SYN3: variants seen among roughly 807,000 people sequenced by gnomAD.
SYN3 encodes the protein synapsin III.
In SYN3, 35 loss-of-function variants were observed where a neutral mutation model predicts 65.8. The observed-to-expected ratio is 0.53, with a 90% confidence interval of 0.41 to 0.70. The LOEUF (loss-of-function observed/expected upper bound fraction) is 0.70. Among genes scored for constraint, SYN3 ranks in the 30% least tolerant of loss-of-function variants. The pLI is 0.00. For missense variants in SYN3, 680 were observed against 749.0 expected (o/e 0.91, Z 1.08); for synonymous variants, 270 against 292.9 (o/e 0.92, Z 0.80).
chr22:32,655,066 C>A (rs2060123662), intron 6 of SYN3, among the ~76,000 whole-genome samples: 1 of 152,204 alleles, frequency 6.6e-6, no homozygotes, highest in Non-Finnish European at 1.5e-5. Context: ...ATGTGTCCCT[C>A]CAAATTTATA....
chr22:33,031,218 T>C (rs1459350265), intron 1 of SYN3, among the ~76,000 whole-genome samples: 1 of 152,154 alleles, frequency 6.6e-6, no homozygotes, highest in Non-Finnish European at 1.5e-5. Flanking sequence ...GCAAAGTGAA[T>C]AGGTGTCTGA....
chr22:32,530,826 A>T (rs918148471), intron 10 of SYN3, among the ~76,000 whole-genome samples: 33 of 152,048 alleles, frequency 2.2e-4, no homozygotes, highest in African/African-American at 7.7e-4. Flanking sequence ...AACACGGTGA[A>T]ACCCCGTCTC....
intron 6 of SYN3, among the ~76,000 whole-genome samples, chr22:32,776,788 G>A (rs1347924248): frequency 6.6e-6 from 1 of 152,166 alleles, no homozygotes. Flanking sequence ...GCACGGAGAA[G>A]GCATAAGAAT....
At chr22:33,039,652 C>T (rs2053927433) in intron 1 of SYN3, among the ~76,000 whole-genome samples, 1 of 152,116 alleles carries the variant, frequency 6.6e-6, no homozygotes. Context: ...GTGATCCGCC[C>T]ACCTTGACCT....
intron 6 of SYN3, among the ~76,000 whole-genome samples, chr22:32,791,026 C>T (rs1239476109): frequency 1.3e-5 from 2 of 152,194 alleles, no homozygotes; most frequent in Non-Finnish European, 1.5e-5. Flanking sequence ...GGATGGGACG[C>T]TGAACTTGGA....
intron 6 of SYN3, among the ~76,000 whole-genome samples, chr22:32,839,778 T>C (rs28698967): frequency 6.6e-6 from 1 of 152,188 alleles, no homozygotes; most frequent in African/African-American, 2.4e-5. Flanking sequence ...AAGGCCAGCA[T>C]GGGATGCTAA....
intron 4 of SYN3, among the ~76,000 whole-genome samples, chr22:32,919,519 C>G (rs2050280074): frequency 6.6e-6 from 1 of 152,170 alleles, no homozygotes; most frequent in African/African-American, 2.4e-5. Context: ...GAAGGGAACA[C>G]TTTTCCAAAC....
chr22:32,522,310 A>G (rs980865465), intron 12 of SYN3, among the ~76,000 whole-genome samples: 23 of 152,126 alleles, frequency 1.5e-4, no homozygotes, highest in African/African-American at 5.3e-4. Context: ...TTGTTTTTCA[A>G]CTCACTAAAA....
chr22:32,852,547 T>A (rs2146261384), intron 6 of SYN3, among the ~76,000 whole-genome samples: 1 of 151,856 alleles, frequency 6.6e-6, no homozygotes, highest in South Asian at 2.1e-4. Flanking sequence ...CCCTAGAGAG[T>A]CAGAAGGGGT....
intron 1 of SYN3, among the ~76,000 whole-genome samples, chr22:33,028,715 G>GGT (rs2053692120): frequency 6.7e-6 from 1 of 148,688 alleles, no homozygotes; most frequent in South Asian, 2.1e-4. Flanking sequence ...GGTGGTGGTG[G>GGT]GGTTGCTACC....
intron 6 of SYN3, among the ~76,000 whole-genome samples, chr22:32,797,831 G>C (rs1436776485): frequency 2.6e-5 from 4 of 152,168 alleles, no homozygotes; most frequent in African/African-American, 9.7e-5. Flanking sequence ...TTGTCCTACA[G>C]GATTCCCCAT....
chr22:32,534,595 A>G (rs530065102), intron 9 of SYN3, among the ~76,000 whole-genome samples: 2 of 152,292 alleles, frequency 1.3e-5, no homozygotes, highest in Admixed American at 1.3e-4. Flanking sequence ...ACCCTGCAAC[A>G]AGGGGGTGGT....
At chr22:32,827,882 C>T (rs182152987) in intron 6 of SYN3, among the ~76,000 whole-genome samples, 59 of 152,344 alleles carry the variant, frequency 3.9e-4, no homozygotes, top group African/African-American at 1.4e-3. Flanking sequence ...CCCCCAGATA[C>T]TCACTGGCTG....
intron 6 of SYN3, among the ~76,000 whole-genome samples, chr22:32,755,593 C>A (rs1324863781): frequency 6.6e-6 from 1 of 152,168 alleles, no homozygotes; most frequent in Non-Finnish European, 1.5e-5. Flanking sequence ...AGACAAAGAG[C>A]TTTCTTGCCC....
At chr22:32,561,503 G>T (rs919343195) in intron 7 of SYN3, among the ~76,000 whole-genome samples, 1 of 152,106 alleles carries the variant, frequency 6.6e-6, no homozygotes, top group Non-Finnish European at 1.5e-5. Context: ...AGGGACTTGG[G>T]GGGTCCTGGC....
At chr22:32,617,323 C>T (rs1051709647) in intron 6 of SYN3, among the ~76,000 whole-genome samples, 1 of 151,944 alleles carries the variant, frequency 6.6e-6, no homozygotes, top group Non-Finnish European at 1.5e-5. Context: ...TAAAATAATC[C>T]AGTGTGGGGT....
chr22:32,544,956 G>A (rs1171389938), intron 7 of SYN3, among the ~76,000 whole-genome samples: 1 of 152,172 alleles, frequency 6.6e-6, no homozygotes, highest in East Asian at 1.9e-4. Context: ...TGATATGGGG[G>A]GCATGTGTCC....
intron 6 of SYN3, among the ~76,000 whole-genome samples, chr22:32,789,489 C>T (rs2046271369): frequency 6.6e-6 from 1 of 152,124 alleles, no homozygotes; most frequent in African/African-American, 2.4e-5. Flanking sequence ...GTGGGTCTGT[C>T]CAGGCACCAA....
At chr22:32,941,771 G>C (rs945962727) in intron 3 of SYN3, among the ~76,000 whole-genome samples, 2 of 152,232 alleles carry the variant, frequency 1.3e-5, no homozygotes, top group Non-Finnish European at 2.9e-5. Flanking sequence ...TTTTCCGAGG[G>C]TCTTAGCAAA....
Sources: allele counts gnomAD v4.1 joint callset (sites outside exome capture counted in the v4.1 genomes callset), GRCh38; gene constraint gnomAD v4.1.1; transcripts MANE v1.5; gene names NCBI Gene and HGNC (gene_info 2026-07-23, HGNC 2026-07-21).